PPFIA2: variants seen among roughly 807,000 people sequenced by gnomAD.
PPFIA2 encodes liprin-alpha-2.
PPFIA2 carries 46 observed loss-of-function variants against 175.5 expected under a neutral mutation model. That is an observed-to-expected ratio of 0.26 (90% confidence interval 0.21 to 0.34). PPFIA2 has a LOEUF of 0.34. Ranked by LOEUF, PPFIA2 falls within the 10% of genes least tolerant of loss-of-function variation. PPFIA2 has a pLI of 1.00. For synonymous variants in PPFIA2, 568 were observed against 511.4 expected, an observed-to-expected ratio of 1.11 and a Z score of -1.49; for missense variants, 1,179 against 1,506.1, an observed-to-expected ratio of 0.78 and a Z score of 3.60.
At chr12:81,425,619 C>T (rs1200605873) in intron 7 of PPFIA2, among the ~76,000 whole-genome samples, 3 of 152,156 alleles carry the variant, frequency 2.0e-5, no homozygotes. Context: ...TCATGGTCAC[C>T]CAACTTGGGC....
chr12:81,550,391 C>T (rs1026419269), intron 4 of PPFIA2, among the ~76,000 whole-genome samples: 5 of 151,640 alleles, frequency 3.3e-5, no homozygotes, highest in South Asian at 2.1e-4. Flanking sequence ...CAAGGCATAA[C>T]GATAATTTAT....
chr12:81,719,788 G>A (rs1036211641), intron 3 of PPFIA2, among the ~76,000 whole-genome samples: 1 of 151,276 alleles, frequency 6.6e-6, no homozygotes, highest in Non-Finnish European at 1.5e-5. Flanking sequence ...AAAATGTGTT[G>A]TTTAAGTTCA....
At chr12:81,664,339 A>G (rs1174133314) in intron 4 of PPFIA2, among the ~76,000 whole-genome samples, 4 of 152,150 alleles carry the variant, frequency 2.6e-5, no homozygotes, top group Admixed American at 6.5e-5. Flanking sequence ...AAACAAATTT[A>G]CAAGAAAAAA....
intron 4 of PPFIA2, among the ~76,000 whole-genome samples, chr12:81,562,722 C>T (rs2070390921): frequency 6.7e-6 from 1 of 149,434 alleles, no homozygotes; most frequent in African/African-American, 2.5e-5. Context: ...TGGCGGGCGC[C>T]TGTAGTCCCA....
intron 4 of PPFIA2, among the ~76,000 whole-genome samples, chr12:81,671,086 T>C (rs2071315163): frequency 6.6e-6 from 1 of 151,940 alleles, no homozygotes; most frequent in Non-Finnish European, 1.5e-5. Flanking sequence ...AAATCATTCA[T>C]ATATTCCCAA....
chr12:81,372,386 T>C (rs959317289), intron 11 of PPFIA2, among the ~76,000 whole-genome samples: 36 of 151,078 alleles, frequency 2.4e-4, no homozygotes, highest in Admixed American at 1.3e-3. Context: ...ATTCAAAATA[T>C]AGGAGGAGGA....
intron 15 of PPFIA2, among the ~76,000 whole-genome samples, chr12:81,359,484 ACAAC>A (rs1271644506): frequency 1.3e-5 from 2 of 151,914 alleles, no homozygotes; most frequent in Non-Finnish European, 2.9e-5. Context: ...CATAAAGGAC[ACAAC>A]TCTGTCTTTA....
chr12:81,394,591 G>T (rs1185837916), intron 8 of PPFIA2, among the ~76,000 whole-genome samples: 1 of 151,928 alleles, frequency 6.6e-6, no homozygotes, highest in Admixed American at 6.6e-5. Context: ...AGTTATAAGT[G>T]GAAGTTGAAC....
At chr12:81,314,913 TG>T (rs1271717859) in intron 22 of PPFIA2, among the ~76,000 whole-genome samples, 2 of 151,016 alleles carry the variant, frequency 1.3e-5, no homozygotes, top group Non-Finnish European at 3.0e-5. Flanking sequence ...TAAATGCTGA[TG>T]GGGGAAAAAA....
At chr12:81,390,357 T>C (rs138820663) in intron 8 of PPFIA2, among the ~76,000 whole-genome samples, 26 of 152,144 alleles carry the variant, frequency 1.7e-4, no homozygotes, top group African/African-American at 6.0e-4. Context: ...TGAGGAAATG[T>C]TTTCCAAAGT....
intron 5 of PPFIA2, among the ~76,000 whole-genome samples, chr12:81,457,085 A>G (rs777334045): frequency 1.3e-5 from 2 of 151,642 alleles, no homozygotes; most frequent in Non-Finnish European, 2.9e-5. Context: ...GGTTCACTGC[A>G]GCCTCTGCCT....
At chr12:81,450,653 A>G (rs1369079698) in intron 5 of PPFIA2, among the ~76,000 whole-genome samples, 1 of 151,914 alleles carries the variant, frequency 6.6e-6, no homozygotes, top group Non-Finnish European at 1.5e-5. Context: ...ATTAGATCCC[A>G]TTTGTCAATT....
intron 3 of PPFIA2, among the ~76,000 whole-genome samples, chr12:81,728,121 AATG>A (rs1188130683): frequency 6.6e-6 from 1 of 151,434 alleles, no homozygotes; most frequent in Admixed American, 6.6e-5. Flanking sequence ...AACACAAAGG[AATG>A]ATATTAGGTT....
intron 4 of PPFIA2, among the ~76,000 whole-genome samples, chr12:81,620,344 C>T (rs1307263668): frequency 1.3e-5 from 2 of 151,898 alleles, no homozygotes; most frequent in Non-Finnish European, 2.9e-5. Flanking sequence ...AAGTTTATTC[C>T]AGGAAAACTC....
intron 7 of PPFIA2, among the ~76,000 whole-genome samples, chr12:81,415,678 G>A (rs2045094875): frequency 6.7e-6 from 1 of 148,302 alleles, no homozygotes; most frequent in African/African-American, 2.5e-5. Context: ...TTAGTTTTAA[G>A]TTTAAAACAG....
At chr12:81,394,799 C>T (rs2040807457) in intron 8 of PPFIA2, among the ~76,000 whole-genome samples, 1 of 146,962 alleles carries the variant, frequency 6.8e-6, no homozygotes, top group African/African-American at 2.6e-5. Context: ...CTGCATGTGT[C>T]CCAGAAGTTA....
At position 81,268,103 on chromosome 12, in the gene PPFIA2, C is replaced by T. The variant is rs948022332; in HGVS notation, c.3311-16G>A. On this transcript the variant is annotated splice_polypyrimidine_tract_variant and intron_variant, in intron 28 of 32. Transcript: ENST00000549396. The stretch of plus-strand genomic sequence containing the variant: ...ACCAACACGTCTAGGAAAAGAGATG[C>T]ATCATTTTAGGATGCATTATTTTTC... The T allele has an allele frequency of 6.6e-7, 1 of 1,505,084 alleles. No homozygotes were observed. The highest frequency in any genetic ancestry group is 9.1e-7 in the Non-Finnish European group (1 of 1,103,482). 93.2% of individuals were successfully genotyped at this position (1,505,084 alleles called of 1,614,324 possible). A position where few individuals can be genotyped will look rare whatever the true frequency, so the allele number is the denominator to read the frequency against.
rs757499811 is a variant in PPFIA2 at position 81,753,960 on chromosome 12, C to T, written c.249+13G>A. ...ATTACAATAGGAGAAACAAAGGCTA[C>T]CAGGAAGCATACCTGTGGCAGGGCT... On this transcript the variant is annotated intron_variant, in intron 3 of 32. Coordinates refer to ENST00000549396, the MANE Select transcript of PPFIA2 (RefSeq NM_003625.5). 4.3e-6 allele frequency: 7 copies of T among 1,612,462 alleles called. No individual in the cohort carries two copies. In the African/African-American group the frequency reaches 5.3e-5, roughly 12 times the overall value.
Position 81,666,403 on chromosome 12 carries a change from C to G in PPFIA2, c.303+10388G>C, listed in dbSNP as rs565956725. Among the ~76,000 whole-genome samples, 17 of 152,270 alleles carry G rather than the reference C, an allele frequency of 1.1e-4. No individual in the cohort carries two copies. The East Asian group carries it at 3.1e-3, about 28-fold the overall frequency. ...TAGACTGGATTAAGAAAATGTGGCA[C>G]ATATACACCATGGAATATTATGCAG... On this transcript the variant is annotated intron_variant, in intron 4 of 32. Transcript: ENST00000549396.
Sources: gnomAD v4.1 joint callset for allele counts (sites outside exome capture counted in the v4.1 genomes callset) on GRCh38, gnomAD v4.1.1 for gene constraint, MANE v1.5 for transcripts, NCBI Gene and HGNC (gene_info 2026-07-23, HGNC 2026-07-21) for gene names.